The following SPACA7 variants were observed in gnomAD, a reference collection of about 807,000 sequenced individuals.
The protein encoded by SPACA7 is sperm acrosome-associated protein 7.
SPACA7 carries 19 observed loss-of-function variants against 26.3 expected under a neutral mutation model. The observed-to-expected ratio is 0.72, with a 90% CI of 0.50 to 1.06. The LOEUF is 1.06. SPACA7 is among the 50% of genes least tolerant of loss of function. The probability of loss-of-function intolerance (pLI) is 0.00; values close to 1 mark genes in which losing one functional copy is unlikely to be tolerated. For missense variants in SPACA7, 211 were observed against 229.9 expected, an observed-to-expected ratio of 0.92 and a Z score of 0.53; for synonymous variants, 84 against 84.5, an observed-to-expected ratio of 0.99 and a Z score of 0.04.
rs143882925 is a variant in SPACA7 at position 112,401,112 on chromosome 13, T to C, written c.393T>C (p.Asn131=). ...ATCTCCATGGCGATCCTTCTGAGAA[T>C]TATCGTGGGCCACAGGTGTCTCCTG... ...NANLHGDPSE[N]YRGPQVSPGS... Residue 131 remains asparagine, a synonymous_variant, in exon 5 of 7, where the codon AAT becomes AAC. Transcript: ENST00000283550. The C allele has an allele frequency of 5.6e-6, 9 of 1,614,180 alleles. No individual in the cohort carries two copies. The highest frequency in any genetic ancestry group is 6.8e-6 in the Non-Finnish European group (8 of 1,180,028).
chr13:112,385,051 C>T (rs1328629364), intron 1 of SPACA7, among the ~76,000 whole-genome samples: 5 of 152,126 alleles, frequency 3.3e-5, no homozygotes, highest in Non-Finnish European at 7.4e-5. Context: ...CCCTATTATT[C>T]GGACACATGG....
Position 112,380,468 on chromosome 13 carries a change from C to G in SPACA7, c.94+3989C>G, listed in dbSNP as rs113999024. Among the ~76,000 whole-genome samples the G allele has an allele frequency of 5.2e-3, 768 of 148,376 alleles. 9 individuals are homozygous for G. The highest frequency in any genetic ancestry group is 0.019 in the African/African-American group (742 of 40,100). ...AACAAAACTTTGGCCTTTTAGCAGA[C>G]AGAGAAAATCAAACTCCAGTACTGC... On this transcript the variant is annotated intron_variant, in intron 1 of 6. Transcript: ENST00000283550.
rs574313807 is a variant in SPACA7, at chr13:112,406,562, A to AT, written c.445+5405dup. On this transcript the variant is annotated intron_variant, in intron 5 of 6. Transcript: ENST00000283550. ...AAATTAGCAAGGGACTTGAATAGAGATTTTTTTCCAAGAAGATATACATGG... is the reference window on the plus strand; with the variant it reads ...AAATTAGCAAGGGACTTGAATAGAGATTTTTTTTCCAAGAAGATATACATGG... Among the ~76,000 whole-genome samples the AT allele has an allele frequency of 3.3e-3, 500 of 152,246 alleles. 1 individual carries two copies. Among genetic ancestry groups the AT allele is most frequent in the African/African-American group, 0.012 (493 of 41,542 alleles).
intron 5 of SPACA7, among the ~76,000 whole-genome samples, chr13:112,424,316 C>T (rs1281186126): frequency 1.3e-5 from 2 of 152,200 alleles, no homozygotes; most frequent in African/African-American, 4.8e-5. Context: ...TGCGTTTAGC[C>T]TTCTCATCAC....
intron 5 of SPACA7, among the ~76,000 whole-genome samples, chr13:112,413,896 A>G (rs1041040386): frequency 6.6e-6 from 1 of 152,212 alleles, no homozygotes; most frequent in Admixed American, 6.5e-5. Flanking sequence ...CAGGCTGTAC[A>G]GGAAGCATGG....
intron 3 of SPACA7, among the ~76,000 whole-genome samples, chr13:112,398,776 GGCAGCAGGAAAGTTCA>G (rs1241403698): frequency 3.3e-5 from 5 of 152,168 alleles, no homozygotes. Flanking sequence ...AAGTGTATTC[GGCAGCAGGAAAGTTCA>G]GCACTCTTGA....
At chr13:112,425,497 G>A (rs1876451212) in intron 5 of SPACA7, among the ~76,000 whole-genome samples, 1 of 152,214 alleles carries the variant, frequency 6.6e-6, no homozygotes, top group Admixed American at 6.5e-5. Flanking sequence ...GGCAGCGCGA[G>A]GCCACCCAGG....
At chr13:112,398,983 A>G in intron 3 of SPACA7, 83 bp from the exon 4 acceptor site, 5 of 809,036 alleles carry the variant, frequency 6.2e-6, no homozygotes, top group Middle Eastern at 3.5e-4. Context: ...CTTATATTGT[A>G]AAATAAAGCA....
At chr13:112,390,772 G>A (rs996848353) in intron 1 of SPACA7, among the ~76,000 whole-genome samples, 2 of 152,318 alleles carry the variant, frequency 1.3e-5, no homozygotes, top group East Asian at 1.9e-4. Flanking sequence ...GCCAGCCCCC[G>A]TGATTCAGTC....
chr13:112,416,767 CA>C (rs1886716400), intron 5 of SPACA7, among the ~76,000 whole-genome samples: 1 of 151,796 alleles, frequency 6.6e-6, no homozygotes, highest in Non-Finnish European at 1.5e-5. Flanking sequence ...TTTCCAGTCT[CA>C]CCTATGTTTC....
chr13:112,399,553 G>C (rs1015699927), intron 4 of SPACA7, among the ~76,000 whole-genome samples: 2 of 152,226 alleles, frequency 1.3e-5, no homozygotes, highest in Non-Finnish European at 2.9e-5. Context: ...CCCCCAGGGG[G>C]GTCCCCCAGA....
intron 3 of SPACA7, among the ~76,000 whole-genome samples, chr13:112,398,501 C>T (rs550102756): frequency 1.1e-4 from 16 of 152,272 alleles, no homozygotes; most frequent in East Asian, 3.9e-4. Context: ...TCTCACTTCA[C>T]GCTCACCCAA....
In SPACA7 at chr13:112,391,665, C is replaced by T. The variant is rs184360193; in HGVS notation, c.95-1356C>T. ...CCACTTGACAATGCACTTTAAAAAC[C>T]GCACGGATGTTATAAAACCCAAATA... On this transcript the variant is annotated intron_variant, in intron 1 of 6. Transcript: ENST00000283550. Among the ~76,000 whole-genome samples the T allele has an allele frequency of 1.7e-3, 256 of 152,310 alleles. 2 individuals carry two copies. The highest frequency in any genetic ancestry group is 5.8e-3 in the African/African-American group (243 of 41,556).
intron 5 of SPACA7, among the ~76,000 whole-genome samples, chr13:112,424,059 C>T (rs1876273105): frequency 6.6e-6 from 1 of 152,200 alleles, no homozygotes; most frequent in African/African-American, 2.4e-5. Context: ...GCATTTGAGG[C>T]AGGAGAAGCA....
In SPACA7 at chr13:112,412,501, T is replaced by G. The variant is rs375684960; in HGVS notation, c.445+11337T>G. 2.5e-4 allele frequency among the ~76,000 whole-genome samples: 38 copies of G among 152,282 alleles called. No homozygotes were observed. The East Asian group carries it at 5.0e-3, about 20-fold the overall frequency. On this transcript the variant is annotated intron_variant, in intron 5 of 6. Transcript: ENST00000283550. ...ATTTTTGCTTTTGTTGCCTGTGCTT[T>G]TAAGGTCTTACTCAAAAAATATTTG...
At chr13:112,396,621 C>T (rs1474624347) in intron 2 of SPACA7, among the ~76,000 whole-genome samples, 1 of 152,160 alleles carries the variant, frequency 6.6e-6, no homozygotes, top group Non-Finnish European at 1.5e-5. Context: ...TCTCCAAGAC[C>T]CCTATCTCAC....
At chr13:112,378,159 C>T (rs1281601768) in intron 1 of SPACA7, among the ~76,000 whole-genome samples, 1 of 152,082 alleles carries the variant, frequency 6.6e-6, no homozygotes, top group Non-Finnish European at 1.5e-5. Context: ...AACACCCAGT[C>T]AGGAGGGCAG....
chr13:112,412,619 G>A (rs1418370291), intron 5 of SPACA7, among the ~76,000 whole-genome samples: 1 of 150,446 alleles, frequency 6.6e-6, no homozygotes, highest in Non-Finnish European at 1.5e-5. Context: ...CCCATTTTGA[G>A]TTGATTTTTG....
chr13:112,390,222 G>A (rs1056343678), intron 1 of SPACA7, among the ~76,000 whole-genome samples: 1 of 152,164 alleles, frequency 6.6e-6, no homozygotes, highest in East Asian at 1.9e-4. Flanking sequence ...GAGAACTCGA[G>A]TGCAGAGACT....
Sources: allele counts gnomAD v4.1 joint callset (sites outside exome capture counted in the v4.1 genomes callset), GRCh38; gene constraint gnomAD v4.1.1; transcripts MANE v1.5; gene names NCBI Gene and HGNC (gene_info 2026-07-23, HGNC 2026-07-21).